The following GRID2 variants were observed in gnomAD, a reference collection of about 807,000 sequenced individuals.
The protein encoded by GRID2 is glutamate ionotropic receptor delta type subunit 2.
GRID2 carries 33 observed loss-of-function variants against 114.8 expected under a neutral mutation model. The ratio of observed to expected loss-of-function variants is 0.29; its 90% CI spans 0.22 to 0.38. The LOEUF is 0.38. GRID2 is among the 10% of genes least tolerant of loss of function. The probability of loss-of-function intolerance (pLI) is 1.00; values close to 1 mark genes in which losing one functional copy is unlikely to be tolerated. For synonymous variants in GRID2, 505 were observed against 449.9 expected (o/e 1.12, Z -1.55); for missense variants, 1,184 against 1,257.7 (o/e 0.94, Z 0.89).
chr4:93,205,720 A>C (rs62309159), intron 4 of GRID2, among the ~76,000 whole-genome samples: 1 of 152,034 alleles, frequency 6.6e-6, no homozygotes, highest in African/African-American at 2.4e-5. Context: ...CTAGACCCCT[A>C]AGGAATCGCC....
chr4:93,157,062 C>G (rs879264581), intron 4 of GRID2, among the ~76,000 whole-genome samples: 2 of 151,710 alleles, frequency 1.3e-5, no homozygotes, highest in Admixed American at 1.3e-4. Flanking sequence ...CTCTATTTTT[C>G]TTTTATTTTA....
chr4:92,355,513 GA>G (rs562659001), intron 1 of GRID2, among the ~76,000 whole-genome samples: 6 of 151,486 alleles, frequency 4.0e-5, no homozygotes, highest in Non-Finnish European at 7.4e-5. Context: ...ATACTATGAA[GA>G]AAAAAAGGTC....
chr4:93,712,284 C>G (rs1728552982), intron 14 of GRID2, among the ~76,000 whole-genome samples: 2 of 151,950 alleles, frequency 1.3e-5, no homozygotes, highest in Admixed American at 1.3e-4. Context: ...CTTTAATCTA[C>G]TTGGAATCTA....
chr4:92,736,159 GA>G (rs1274289480), intron 2 of GRID2, among the ~76,000 whole-genome samples: 1 of 152,112 alleles, frequency 6.6e-6, no homozygotes, highest in Non-Finnish European at 1.5e-5. Flanking sequence ...AAGGAAAATA[GA>G]AAGGTAAGAG....
intron 8 of GRID2, among the ~76,000 whole-genome samples, chr4:93,266,591 T>C (rs1750858995): frequency 6.6e-6 from 1 of 152,140 alleles, no homozygotes; most frequent in South Asian, 2.1e-4. Flanking sequence ...CACTTGTATT[T>C]TTAGTAGAGA....
intron 12 of GRID2, among the ~76,000 whole-genome samples, chr4:93,506,844 G>C (rs555682574): frequency 2.6e-5 from 4 of 152,190 alleles, no homozygotes; most frequent in African/African-American, 9.6e-5. Context: ...TCTTCCAAAG[G>C]CTTCTGCTGT....
chr4:92,792,237 A>T (rs954514248), intron 2 of GRID2, among the ~76,000 whole-genome samples: 3 of 151,816 alleles, frequency 2.0e-5, no homozygotes, highest in African/African-American at 7.2e-5. Context: ...CAGTTATGTA[A>T]GGACTCCAGT....
intron 1 of GRID2, among the ~76,000 whole-genome samples, chr4:92,399,075 C>T (rs1730650660): frequency 6.6e-6 from 1 of 152,162 alleles, no homozygotes. Context: ...TTTCTGTAAG[C>T]CATCCACATT....
At chr4:92,617,425 A>T (rs1326713716) in intron 2 of GRID2, among the ~76,000 whole-genome samples, 4 of 151,540 alleles carry the variant, frequency 2.6e-5, no homozygotes, top group Non-Finnish European at 3.0e-5. Context: ...TTTTACTTCC[A>T]TTATATAAAT....
intron 1 of GRID2, among the ~76,000 whole-genome samples, chr4:92,363,624 C>T (rs1477138021): frequency 5.9e-5 from 9 of 151,880 alleles, no homozygotes; most frequent in Admixed American, 2.6e-4. Flanking sequence ...TTTGAATATG[C>T]TATTTTTAAA....
intron 8 of GRID2, among the ~76,000 whole-genome samples, chr4:93,338,810 TA>T (rs1207167941): frequency 1.3e-5 from 2 of 152,272 alleles, no homozygotes; most frequent in Non-Finnish European, 2.9e-5. Context: ...TCTCTCCCTG[TA>T]GTAGCCTGTG....
At chr4:93,075,434 T>C (rs190416774) in intron 2 of GRID2, among the ~76,000 whole-genome samples, 30 of 152,320 alleles carry the variant, frequency 2.0e-4, no homozygotes, top group African/African-American at 6.5e-4. Flanking sequence ...TGGCTGCTAT[T>C]ACTACATCTA....
chr4:93,626,543 A>C (rs1029387554), intron 14 of GRID2, 108 bp downstream of exon 14: 13 of 679,552 alleles, frequency 1.9e-5, no homozygotes, highest in African/African-American at 1.6e-4. Context: ...TGTTAGGAGA[A>C]GCACAATAAA....
intron 2 of GRID2, among the ~76,000 whole-genome samples, chr4:93,034,677 G>A (rs1200143916): frequency 6.6e-6 from 1 of 151,956 alleles, no homozygotes. Flanking sequence ...TCTTCCCTGG[G>A]CAAACTCTAT....
At chr4:93,130,620 C>T (rs752937380) in intron 4 of GRID2, among the ~76,000 whole-genome samples, 1 of 152,082 alleles carries the variant, frequency 6.6e-6, no homozygotes, top group African/African-American at 2.4e-5. Context: ...GCTTAATGGA[C>T]GGATACCTTT....
At chr4:92,398,369 C>A (rs955497607) in intron 1 of GRID2, among the ~76,000 whole-genome samples, 1 of 152,092 alleles carries the variant, frequency 6.6e-6, no homozygotes, top group Non-Finnish European at 1.5e-5. Context: ...GGTGTAATCA[C>A]GGCTCATTGC....
chr4:92,589,236 A>G (rs1292651477), intron 1 of GRID2, among the ~76,000 whole-genome samples: 2 of 151,978 alleles, frequency 1.3e-5, no homozygotes, highest in African/African-American at 2.4e-5. Flanking sequence ...AAATGTGTTT[A>G]ATACACACAA....
At position 93,299,830 on chromosome 4, in the gene GRID2, T is replaced by C. The variant is rs17020356; in HGVS notation, c.1245+61340T>C. On this transcript the variant is annotated intron_variant, in intron 8 of 15. Coordinates refer to ENST00000282020, the MANE Select transcript of GRID2 (RefSeq NM_001510.4). ...TTTTATTCCTTTGTATTGTGCCTTC[T>C]GTAAGAGTCCCAGATATTTAAGGCA... Among the ~76,000 whole-genome samples the C allele has an allele frequency of 2.1e-3, 315 of 152,322 alleles. 2 individuals are homozygous for C. The highest frequency in any genetic ancestry group is 7.2e-3 in the African/African-American group (300 of 41,582).
chr4:93,236,391 A>G (rs1300435430), intron 7 of GRID2, among the ~76,000 whole-genome samples: 1 of 152,032 alleles, frequency 6.6e-6, no homozygotes, highest in Non-Finnish European at 1.5e-5. Context: ...TCGGTCTCCA[A>G]GGAAGGTTTC....
Sources: gnomAD v4.1 joint callset for allele counts (sites outside exome capture counted in the v4.1 genomes callset) on GRCh38, gnomAD v4.1.1 for gene constraint, MANE v1.5 for transcripts, NCBI Gene and HGNC (gene_info 2026-07-23, HGNC 2026-07-21) for gene names.